PIEZO2: variants seen among roughly 807,000 people sequenced by gnomAD.
The protein encoded by PIEZO2 is piezo-type mechanosensitive ion channel component 2.
In PIEZO2, 172 loss-of-function variants were observed where a neutral mutation model predicts 337.3. The observed-to-expected ratio is 0.51, with a 90% CI of 0.45 to 0.58. The LOEUF (loss-of-function observed/expected upper bound fraction) is 0.58. Ranked by LOEUF, PIEZO2 falls within the 20% of genes least tolerant of loss-of-function variation. The probability of loss-of-function intolerance (pLI) is 0.00; values close to 1 mark genes in which losing one functional copy is unlikely to be tolerated. For missense variants in PIEZO2, 3,028 were observed against 3,391.3 expected (o/e 0.89, Z 2.66); for synonymous variants, 1,251 against 1,228.5 (o/e 1.02, Z -0.38).
Position 11,110,978 on chromosome 18 carries a change from C to CA in PIEZO2, c.64+37546dup, listed in dbSNP as rs2039713481. ...CTGCGTCAGAGTCCACCATGAGAGC[C>CA]ACTGCAGGGCTTCGGAACGGAGGAG... On this transcript the variant is annotated intron_variant, in intron 1 of 55. Transcript: ENST00000674853. The surrounding 1 kb of genome is among the most constrained non-coding windows in gnomAD (Gnocchi z 4.2). Among the ~76,000 whole-genome samples, 1 of 152,214 alleles carries CA rather than the reference C, an allele frequency of 6.6e-6. No individual in the cohort carries two copies.
chr18:10,923,303 A>G (rs1402291109), intron 3 of PIEZO2, among the ~76,000 whole-genome samples: 2 of 152,218 alleles, frequency 1.3e-5, no homozygotes, highest in Non-Finnish European at 2.9e-5. Context: ...ATATAATGAA[A>G]TAAAAATGTA....
intron 3 of PIEZO2, among the ~76,000 whole-genome samples, chr18:10,951,375 TC>T (rs781459233): frequency 2.6e-5 from 4 of 152,210 alleles, no homozygotes; most frequent in Non-Finnish European, 4.4e-5. Flanking sequence ...GTTGAGGGAT[TC>T]ATCTCTACAT....
In PIEZO2 at chr18:10,750,239, A is replaced by T. The variant is rs574381160; in HGVS notation, c.4168-52T>A. 1.9e-4 allele frequency: 267 copies of T among 1,382,094 alleles called. 2 individuals carry two copies. The South Asian group carries it at 2.1e-3, about 11-fold the overall frequency. The allele number at this position is 1,382,094 out of a possible 1,614,324, so 85.6% of individuals were successfully genotyped here. On this transcript the variant is annotated intron_variant, in intron 28 of 55. Transcript: ENST00000674853. This position sits in a 1 kb window ranked among gnomAD's most constrained non-coding sequence, Gnocchi z 4.1. Reference sequence around the variant, plus strand: ...CTGAAGCTCTGCAGCCAGAAAAAAAAGTGGTGTTTTATGATCCCAACATGT... The same window carrying T: ...CTGAAGCTCTGCAGCCAGAAAAAAATGTGGTGTTTTATGATCCCAACATGT...
rs529677133 is a variant in PIEZO2 at position 10,767,235 on chromosome 18, C to G, written c.2946+2913G>C. Among the ~76,000 whole-genome samples, 3 of 152,290 alleles carry G rather than the reference C, an allele frequency of 2.0e-5. No homozygotes were observed. In the South Asian group the frequency reaches 6.2e-4, roughly 32 times the overall value. On this transcript the variant is annotated intron_variant, in intron 21 of 55. Transcript: ENST00000674853. This position sits in a 1 kb window ranked among gnomAD's most constrained non-coding sequence, Gnocchi z 4.2. ...TAGATTATTCCAAAGCAGTGTCACT[C>G]CTGAATAAGATGCTGATGGAAAATA... is the stretch of plus-strand genomic sequence containing the variant.
At chr18:10,714,630 G>A (rs1010681542) in intron 39 of PIEZO2, 134 bp downstream of exon 39, 12 of 974,666 alleles carry the variant, frequency 1.2e-5, no homozygotes, top group East Asian at 2.6e-5. Flanking sequence ...TACAGATGGC[G>A]ACAGCTGGAA....
chr18:11,129,518 A>T lies in PIEZO2; in HGVS notation c.64+19007T>A, dbSNP rs576935272. Among the ~76,000 whole-genome samples, 218 of 152,326 alleles carry T rather than the reference A, an allele frequency of 1.4e-3. 1 individual carries two copies. The highest frequency in any genetic ancestry group is 4.6e-3 in the African/African-American group (192 of 41,570). On this transcript the variant is annotated intron_variant, in intron 1 of 55. Coordinates refer to ENST00000674853, the MANE Select transcript of PIEZO2 (RefSeq NM_001378183.1). This position sits in a 1 kb window ranked among gnomAD's most constrained non-coding sequence, Gnocchi z 4.6. ...AACTTCTAGGTCGAATGGACAAAAG[A>T]CTAATTTGAATTATAAAAACAGAAT...
chr18:11,072,694 A>C (rs1375255658), intron 1 of PIEZO2, among the ~76,000 whole-genome samples: 1 of 152,212 alleles, frequency 6.6e-6, no homozygotes, highest in Admixed American at 6.5e-5. Flanking sequence ...CAGTGGGTAC[A>C]GCTATGTAGC....
In PIEZO2 at chr18:11,131,638, T is replaced by C. The variant is rs1360030673; in HGVS notation, c.64+16887A>G. Among the ~76,000 whole-genome samples the C allele has an allele frequency of 6.6e-6, 1 of 152,208 alleles. No individual in the cohort carries two copies. Among genetic ancestry groups the C allele is most frequent in the African/African-American group, 2.4e-5 (1 of 41,446 alleles). ...GAAGAAATGGCCAGATATGTGATTA[T>C]ATACTGATTAATGGGATGTAGCCAA... On this transcript the variant is annotated intron_variant, in intron 1 of 55. Coordinates refer to ENST00000674853, the MANE Select transcript of PIEZO2 (RefSeq NM_001378183.1). The surrounding 1 kb of genome is among the most constrained non-coding windows in gnomAD (Gnocchi z 5.3).
In PIEZO2 at chr18:10,973,724, G is replaced by A. The variant is rs921902849; in HGVS notation, c.286+5811C>T. Reference sequence around the variant, plus strand: ...AGGGAATGGAAAGAGAAGGGGACGGGGCAAGGTGAGGAACCCAAGCCTCCT... The same window carrying A: ...AGGGAATGGAAAGAGAAGGGGACGGAGCAAGGTGAGGAACCCAAGCCTCCT... On this transcript the variant is annotated intron_variant, in intron 3 of 55. Transcript: ENST00000674853. This position sits in a 1 kb window ranked among gnomAD's most constrained non-coding sequence, Gnocchi z 4.9. Among the ~76,000 whole-genome samples the A allele has an allele frequency of 1.3e-5, 2 of 152,120 alleles. No individual in the cohort carries two copies. Among genetic ancestry groups the A allele is most frequent in the African/African-American group, 4.8e-5 (2 of 41,426 alleles).
At chr18:11,011,869 A>T (rs2035915867) in intron 2 of PIEZO2, among the ~76,000 whole-genome samples, 1 of 152,204 alleles carries the variant, frequency 6.6e-6, no homozygotes. Context: ...AAATTCCAGT[A>T]CTTTGGGAGG....
intron 1 of PIEZO2, among the ~76,000 whole-genome samples, chr18:11,141,915 G>A (rs1194862523): frequency 6.6e-6 from 1 of 152,172 alleles, no homozygotes; most frequent in Admixed American, 6.5e-5. Flanking sequence ...AGCCTAAGTA[G>A]TTTCTGCAGA....
chr18:11,126,018 T>C lies in PIEZO2; in HGVS notation c.64+22507A>G, dbSNP rs2040171649. 1.3e-5 allele frequency among the ~76,000 whole-genome samples: 2 copies of C among 152,206 alleles called. No individual in the cohort carries two copies. The highest frequency in any genetic ancestry group is 2.1e-4 in the South Asian group (1 of 4,834). ...CAGAGTGTTGTCAAAGCATGCATAA[T>C]GACTCCATTTATTTTCCAAAATACG... is the stretch of plus-strand genomic sequence containing the variant. On this transcript the variant is annotated intron_variant, in intron 1 of 55. Transcript: ENST00000674853. The surrounding 1 kb of genome is among the most constrained non-coding windows in gnomAD (Gnocchi z 4.6).
chr18:10,726,808 C>T lies in PIEZO2; in HGVS notation c.5029+4599G>A, dbSNP rs1384897329. 4 of 1,562,484 alleles carry T rather than the reference C, an allele frequency of 2.6e-6. No individual in the cohort carries two copies. In the Admixed American group the frequency reaches 7.0e-5, roughly 27 times the overall value. On this transcript the variant is annotated intron_variant, in intron 36 of 55. Coordinates refer to ENST00000674853, the MANE Select transcript of PIEZO2 (RefSeq NM_001378183.1). This position sits in a 1 kb window ranked among gnomAD's most constrained non-coding sequence, Gnocchi z 5.9. ...TGAGGATGTGGACCACCTGCGGCCC[C>T]ATGGGGTGCTGGATAATACCCGGAT...
chr18:10,860,322 C>G (rs2144725284), intron 5 of PIEZO2, among the ~76,000 whole-genome samples: 1 of 152,302 alleles, frequency 6.6e-6, no homozygotes. Context: ...CCTTGCCTGT[C>G]AGCATTCCTT....
intron 9 of PIEZO2, among the ~76,000 whole-genome samples, chr18:10,801,759 G>T (rs2039824026): frequency 6.6e-6 from 1 of 152,132 alleles, no homozygotes; most frequent in Admixed American, 6.5e-5. Context: ...AATTCTGAAT[G>T]TATTTATGTT....
intron 28 of PIEZO2, among the ~76,000 whole-genome samples, chr18:10,751,274 GGAAT>G (rs1177524366): frequency 1.3e-5 from 2 of 152,058 alleles, no homozygotes; most frequent in African/African-American, 4.8e-5. Context: ...ACAGGTTTAC[GGAAT>G]GAATGAATGA....
chr18:10,916,338 G>A (rs2030956260), intron 3 of PIEZO2, among the ~76,000 whole-genome samples: 1 of 152,186 alleles, frequency 6.6e-6, no homozygotes, highest in African/African-American at 2.4e-5. Context: ...CCTAGCAGGG[G>A]GCGGCGCCTG....
chr18:10,825,517 G>A (rs1256898951), intron 7 of PIEZO2, among the ~76,000 whole-genome samples: 4 of 122,642 alleles, frequency 3.3e-5, no homozygotes, highest in South Asian at 2.8e-4. Flanking sequence ...CAAAGAAGTT[G>A]CTCTTTTTTT....
At chr18:10,944,517 G>GAT (rs368272727) in intron 3 of PIEZO2, among the ~76,000 whole-genome samples, 12,422 of 49,414 alleles carry the variant, frequency 0.25, 787 homozygotes, top group Admixed American at 0.37. Context: ...CTTAGTAACA[G>GAT]ATATATATAT....
Sources: allele counts gnomAD v4.1 joint callset (sites outside exome capture counted in the v4.1 genomes callset), GRCh38; gene constraint gnomAD v4.1.1; non-coding constraint Gnocchi (gnomAD v3.1); transcripts MANE v1.5; gene names NCBI Gene and HGNC (gene_info 2026-07-23, HGNC 2026-07-21).